The following CRMP1 variants were observed in gnomAD, a reference collection of about 807,000 sequenced individuals.
CRMP1 encodes collapsin response mediator protein 1.
A neutral mutation model predicts 68.3 loss-of-function variants in CRMP1; 19 were observed. That is an observed-to-expected ratio of 0.28 (90% CI 0.19 to 0.41). The LOEUF (loss-of-function observed/expected upper bound fraction) is 0.41, where lower values mean the gene tolerates loss of function less well. CRMP1 is among the 10% of genes least tolerant of loss of function. The pLI is 1.00. For synonymous variants in CRMP1, 439 were observed against 399.6 expected, an observed-to-expected ratio of 1.10 and a Z score of -1.18; for missense variants, 791 against 967.4, an observed-to-expected ratio of 0.82 and a Z score of 2.42.
At chr4:5,848,574 T>A (rs1441969569) in intron 6 of CRMP1, among the ~76,000 whole-genome samples, 1 of 152,248 alleles carries the variant, frequency 6.6e-6, no homozygotes, top group Non-Finnish European at 1.5e-5. Flanking sequence ...CCAAAACTTT[T>A]GCATGGCTGC....
chr4:5,868,281 A>ATATATATATATC (rs1560513328), intron 1 of CRMP1, among the ~76,000 whole-genome samples: 19 of 89,136 alleles, frequency 2.1e-4, no homozygotes, highest in African/African-American at 9.5e-4. Context: ...ATATATATAT[A>ATATATATATATC]TATATATATA....
intron 11 of CRMP1, among the ~76,000 whole-genome samples, chr4:5,828,912 G>T (rs1045644419): frequency 6.7e-6 from 1 of 149,716 alleles, no homozygotes; most frequent in African/African-American, 2.5e-5. Flanking sequence ...TTGTTCTGGG[G>T]CATCACAAAG....
chr4:5,840,368 G>T (rs184691795), intron 8 of CRMP1, among the ~76,000 whole-genome samples: 5 of 152,150 alleles, frequency 3.3e-5, no homozygotes, highest in Admixed American at 2.6e-4. Context: ...GCAGAGGCTC[G>T]GGCTCCCCAG....
Position 5,886,724 on chromosome 4 carries a change from A to G in CRMP1, c.381+5865T>C, listed in dbSNP as rs75041858. On this transcript the variant is annotated intron_variant, in intron 1 of 13. Transcript: ENST00000324989. ...TCACCCCGACCCCATCACCTGCCTCAGTTCCCTTGGGAGGCAGGGTTAGAG... is the reference window on the plus strand; with the variant it reads ...TCACCCCGACCCCATCACCTGCCTCGGTTCCCTTGGGAGGCAGGGTTAGAG... Among the ~76,000 whole-genome samples, 131 of 152,378 alleles carry G rather than the reference A, an allele frequency of 8.6e-4. 6 individuals carry two copies. The East Asian group carries it at 0.022, about 26-fold the overall frequency.
Position 5,861,119 on chromosome 4 carries a change from T to A in CRMP1, c.562A>T (p.Thr188Ser), listed in dbSNP as rs766137456. 1.9e-6 allele frequency: 3 copies of A among 1,614,214 alleles called. No individual in the cohort carries two copies. Among genetic ancestry groups the A allele is most frequent in the Non-Finnish European group, 2.5e-6 (3 of 1,180,032 alleles). Residue 188 changes from threonine (T) to serine (S), a missense_variant, in exon 3 of 14, where the codon ACG becomes TCG. By Grantham distance (58) the Thr-to-Ser change is moderately conservative (BLOSUM62 1). Transcript: ENST00000324989. This position sits in a 1 kb window ranked among gnomAD's most constrained non-coding sequence, Gnocchi z 6.0. ...MVIPGGIDVN[T>S]YLQKPSQGMT... The stretch of plus-strand genomic sequence containing the variant: ...CCCTGGGAGGGCTTCTGCAGGTACG[T>A]GTTGACATCAATACCTCCGGGAATA...
intron 2 of CRMP1, among the ~76,000 whole-genome samples, chr4:5,863,977 G>A (rs1162466161): frequency 6.6e-6 from 1 of 152,186 alleles, no homozygotes; most frequent in Non-Finnish European, 1.5e-5. Context: ...AACACGCAGA[G>A]AGCTTCTCAG....
At position 5,889,751 on chromosome 4, in the gene CRMP1, TC is replaced by T; in HGVS notation, c.381+2837del. On this transcript the variant is annotated intron_variant, in intron 1 of 13. Coordinates refer to ENST00000324989, the MANE Select transcript of CRMP1 (RefSeq NM_001014809.3). The surrounding 1 kb of genome is among the most constrained non-coding windows in gnomAD (Gnocchi z 4.5). ...GAGGGTGGCCTAGGCTTGGTACAGC[TC>T]CCCCAGCACTGTGGTTGGGGGCTGG... 6.5e-7 allele frequency: 1 copy of T among 1,534,346 alleles called. No homozygotes were observed. The highest frequency in any genetic ancestry group is 8.7e-7 in the Non-Finnish European group (1 of 1,145,918).
chr4:5,846,024 G>A (rs1260228728), intron 6 of CRMP1, among the ~76,000 whole-genome samples: 2 of 152,164 alleles, frequency 1.3e-5, no homozygotes, highest in African/African-American at 4.8e-5. Flanking sequence ...GGCTGGGCAT[G>A]GTGGCTCACA....
intron 1 of CRMP1, among the ~76,000 whole-genome samples, chr4:5,869,679 G>C (rs1342129289): frequency 1.2e-5 from 1 of 83,288 alleles, no homozygotes; most frequent in Non-Finnish European, 2.5e-5. Context: ...GCAAGACTCC[G>C]TCAAAAAAAA....
Position 5,841,172 on chromosome 4 carries a change from G to A in CRMP1, c.1153+136C>T. The A allele has an allele frequency of 2.3e-6, 3 of 1,310,554 alleles. No individual in the cohort carries two copies. Among genetic ancestry groups the A allele is most frequent in the South Asian group, 1.3e-5 (1 of 77,036 alleles). 81.2% of individuals were successfully genotyped at this position (1,310,554 alleles called of 1,614,324 possible). On this transcript the variant is annotated intron_variant, in intron 8 of 13. Transcript: ENST00000324989. The surrounding 1 kb of genome is among the most constrained non-coding windows in gnomAD (Gnocchi z 6.9). ...CCAAAGAATTCCAGCCACCATCCTTGTGTCAGGAGCATCCCCGCTCCACCC... is the reference window on the plus strand; with the variant it reads ...CCAAAGAATTCCAGCCACCATCCTTATGTCAGGAGCATCCCCGCTCCACCC...
At chr4:5,846,984 T>G (rs1469572240) in intron 6 of CRMP1, among the ~76,000 whole-genome samples, 3 of 151,870 alleles carry the variant, frequency 2.0e-5, no homozygotes, top group Admixed American at 2.0e-4. Context: ...GTACTACCTT[T>G]CACGAAAAAG....
chr4:5,877,660 G>A lies in CRMP1; in HGVS notation c.382-10904C>T, dbSNP rs531929439. Among the ~76,000 whole-genome samples the A allele has an allele frequency of 3.9e-5, 6 of 152,202 alleles. No individual in the cohort carries two copies. The highest frequency in any genetic ancestry group is 1.2e-4 in the African/African-American group (5 of 41,450). On this transcript the variant is annotated intron_variant, in intron 1 of 13. Transcript: ENST00000324989. The surrounding 1 kb of genome is among the most constrained non-coding windows in gnomAD (Gnocchi z 4.3). ...AACACACATTCGTTCCCCCTCTCACGGGTAGGGGACAGGGCGGCTTTCCCC... is the reference window on the plus strand; with the variant it reads ...AACACACATTCGTTCCCCCTCTCACAGGTAGGGGACAGGGCGGCTTTCCCC...
intron 1 of CRMP1, among the ~76,000 whole-genome samples, chr4:5,887,974 G>A (rs911948437): frequency 1.3e-5 from 2 of 152,080 alleles, no homozygotes; most frequent in African/African-American, 2.4e-5. Flanking sequence ...CGTGGGGGGA[G>A]GGGGCGGCAA....
chr4:5,884,401 CCACA>C (rs927394866), intron 1 of CRMP1, among the ~76,000 whole-genome samples: 4 of 151,702 alleles, frequency 2.6e-5, no homozygotes, highest in Admixed American at 2.0e-4. Flanking sequence ...ACCCCCACAC[CCACA>C]CACAAACACA....
chr4:5,846,833 T>G (rs1233851834), intron 6 of CRMP1, among the ~76,000 whole-genome samples: 1 of 133,082 alleles, frequency 7.5e-6, no homozygotes, highest in Non-Finnish European at 1.5e-5. Flanking sequence ...CAGGCTGGTC[T>G]CAAACTTCTG....
chr4:5,835,261 C>T (rs1720657073), intron 11 of CRMP1, among the ~76,000 whole-genome samples: 2 of 151,352 alleles, frequency 1.3e-5, no homozygotes, highest in African/African-American at 2.4e-5. Context: ...AGTTGTTAAT[C>T]CAGACCCAAG....
intron 1 of CRMP1, among the ~76,000 whole-genome samples, chr4:5,880,371 G>A (rs1459392948): frequency 2.6e-5 from 4 of 152,126 alleles, no homozygotes; most frequent in Non-Finnish European, 5.9e-5. Context: ...AAGCCCTAAG[G>A]GTCTATGGAT....
In CRMP1 at chr4:5,825,836, C is replaced by G; in HGVS notation, c.1804-177G>C. ...CACTTCACACACATGCAGCCGCACA[C>G]AGGCATTCATACACACAAGCATGCA... is the stretch of plus-strand genomic sequence containing the variant. On this transcript the variant is annotated intron_variant, in intron 12 of 13. Coordinates refer to ENST00000324989, the MANE Select transcript of CRMP1 (RefSeq NM_001014809.3). The surrounding 1 kb of genome is among the most constrained non-coding windows in gnomAD (Gnocchi z 4.4). 4.8e-6 allele frequency: 3 copies of G among 630,388 alleles called. No individual in the cohort carries two copies. Among genetic ancestry groups the G allele is most frequent in the Non-Finnish European group, 8.2e-6 (3 of 366,682 alleles). 39.0% of individuals were successfully genotyped at this position (630,388 alleles called of 1,614,324 possible).
Position 5,866,295 on chromosome 4 carries a change from C to T in CRMP1, c.470+373G>A, listed in dbSNP as rs6446403. 0.71 allele frequency among the ~76,000 whole-genome samples: 108,014 copies of T among 152,138 alleles called. 38,765 individuals are homozygous for T. Among genetic ancestry groups the T allele is most frequent in the East Asian group, 0.79 (4,074 of 5,156 alleles). ...GAAAGAGCTGTGAATTCAGTTGTCT[C>T]AGGGTGGAATCCGGGCCTTGACCCT... On this transcript the variant is annotated intron_variant, in intron 2 of 13. Transcript: ENST00000324989. The surrounding 1 kb of genome is among the most constrained non-coding windows in gnomAD (Gnocchi z 5.9).
Sources: gnomAD v4.1 joint callset for allele counts (sites outside exome capture counted in the v4.1 genomes callset) on GRCh38, gnomAD v4.1.1 for gene constraint, Gnocchi (gnomAD v3.1) non-coding constraint, MANE v1.5 for transcripts, NCBI Gene and HGNC (gene_info 2026-07-23, HGNC 2026-07-21) for gene names.